The following NOX4 variants were observed in gnomAD, a reference collection of about 807,000 sequenced individuals.
NOX4 encodes the protein NADPH oxidase 4, also known as kidney oxidase-1.
NOX4 carries 69 observed loss-of-function variants against 87.6 expected under a neutral mutation model. The observed-to-expected ratio is 0.79, with a 90% CI of 0.65 to 0.96. The LOEUF (loss-of-function observed/expected upper bound fraction) is 0.96, where lower values mean the gene tolerates loss of function less well. NOX4 is among the 40% of genes least tolerant of loss of function. NOX4 has a pLI of 0.00. For synonymous variants in NOX4, 275 were observed against 238.2 expected (o/e 1.15, Z -1.42); for missense variants, 680 against 681.5 (o/e 1.00, Z 0.02).
chr11:89,562,275 A>G, the NOX4 span, among the ~76,000 whole-genome samples: 1 of 152,136 alleles, frequency 6.6e-6, no homozygotes, highest in African/African-American at 2.4e-5. Context: ...CAGAATTGAG[A>G]CTTGGGGGAA....
chr11:89,344,133 T>G (rs1237926715), intron 13 of NOX4, among the ~76,000 whole-genome samples: 2 of 149,984 alleles, frequency 1.3e-5, no homozygotes, highest in Non-Finnish European at 3.0e-5. Flanking sequence ...TAATAAATAT[T>G]ATATTATTAT....
the NOX4 span, among the ~76,000 whole-genome samples, chr11:89,524,092 A>C: frequency 1.3e-5 from 2 of 152,150 alleles, no homozygotes. Flanking sequence ...TGGATATACA[A>C]ATCTGTCAAA....
At chr11:89,528,194 C>T in the NOX4 span, among the ~76,000 whole-genome samples, 67 of 152,244 alleles carry the variant, frequency 4.4e-4, no homozygotes, top group East Asian at 3.5e-3. Flanking sequence ...CCATTTGGAA[C>T]GGGGGTATTT....
At chr11:89,454,273 T>A (rs184816460) in intron 2 of NOX4, among the ~76,000 whole-genome samples, 1 of 152,080 alleles carries the variant, frequency 6.6e-6, no homozygotes, top group African/African-American at 2.4e-5. Flanking sequence ...TACATTTTTA[T>A]TTTAATTATC....
At chr11:89,532,121 G>T in the NOX4 span, among the ~76,000 whole-genome samples, 5 of 152,202 alleles carry the variant, frequency 3.3e-5, no homozygotes, top group Admixed American at 3.3e-4. Flanking sequence ...TGGGGTTTGA[G>T]CTCCCACACA....
chr11:89,490,383 A>G, intron 2 of NOX4, 75 bp downstream of exon 2: 1 of 1,002,192 alleles, frequency 1.0e-6, no homozygotes, highest in South Asian at 1.3e-5. Flanking sequence ...TAATGAATGG[A>G]ACTGACCAAA....
intron 17 of NOX4, 97 bp downstream of exon 17, chr11:89,335,748 C>T: frequency 1.7e-6 from 1 of 571,878 alleles, no homozygotes; most frequent in Non-Finnish European, 3.0e-6. Flanking sequence ...CATTGGTAAA[C>T]TCATTGCCAA....
At chr11:89,358,792 C>G (rs1480269929) in intron 12 of NOX4, among the ~76,000 whole-genome samples, 2 of 151,654 alleles carry the variant, frequency 1.3e-5, no homozygotes, top group Non-Finnish European at 2.9e-5. Flanking sequence ...AATGCTACTT[C>G]TTTTGCAGGA....
the NOX4 span, among the ~76,000 whole-genome samples, chr11:89,525,691 A>C: frequency 2.6e-5 from 4 of 152,006 alleles, no homozygotes; most frequent in African/African-American, 7.2e-5. Flanking sequence ...TTTCTTAATG[A>C]TGTCCATTGT....
chr11:89,345,259 T>C (rs1253583013), intron 13 of NOX4, among the ~76,000 whole-genome samples: 1 of 152,160 alleles, frequency 6.6e-6, no homozygotes, highest in Non-Finnish European at 1.5e-5. Context: ...ATGTTGCTGA[T>C]AGAGCAGGTA....
At position 89,384,154 on chromosome 11, in the gene NOX4, C is replaced by T. The variant is rs180772209; in HGVS notation, c.1075-10662G>A. ...CAACCAAATTGTTTTGCCTATCCAC[C>T]CCATGGTGCCAAACCCATATACTCT... On this transcript the variant is annotated intron_variant, in intron 11 of 17. Coordinates refer to ENST00000263317, the MANE Select transcript of NOX4 (RefSeq NM_016931.5). Among the ~76,000 whole-genome samples, 380 of 152,224 alleles carry T rather than the reference C, an allele frequency of 2.5e-3. 2 individuals carry two copies. The highest frequency in any genetic ancestry group is 0.018 in the Admixed American group (275 of 15,282).
At chr11:89,508,525 A>T in the NOX4 span, among the ~76,000 whole-genome samples, 3 of 152,090 alleles carry the variant, frequency 2.0e-5, no homozygotes, top group African/African-American at 7.2e-5. Context: ...CCAGCTTCTA[A>T]GCAATGAGAT....
chr11:89,399,776 T>A (rs773610289), intron 11 of NOX4, among the ~76,000 whole-genome samples: 1 of 151,748 alleles, frequency 6.6e-6, no homozygotes. Flanking sequence ...ATATTTTGAA[T>A]CAACAAGCTT....
At chr11:89,366,632 G>T (rs1259180003) in intron 12 of NOX4, among the ~76,000 whole-genome samples, 1 of 150,252 alleles carries the variant, frequency 6.7e-6, no homozygotes, top group African/African-American at 2.5e-5. Context: ...AGGCTGCAGT[G>T]AGCCATGACC....
chr11:89,543,145 C>T, the NOX4 span, among the ~76,000 whole-genome samples: 1 of 152,134 alleles, frequency 6.6e-6, no homozygotes, highest in South Asian at 2.1e-4. Context: ...ACCTAGACAT[C>T]ACCGCTACAC....
At chr11:89,434,047 T>G (rs1218849480) in intron 6 of NOX4, among the ~76,000 whole-genome samples, 1 of 152,046 alleles carries the variant, frequency 6.6e-6, no homozygotes, top group East Asian at 1.9e-4. Context: ...ATTGGGACAA[T>G]TCCATCTGGA....
intron 8 of NOX4, among the ~76,000 whole-genome samples, chr11:89,420,248 T>C (rs1943012273): frequency 6.6e-6 from 1 of 152,172 alleles, no homozygotes; most frequent in Admixed American, 6.6e-5. Flanking sequence ...ATTCTGAGCA[T>C]TTAATAACAT....
At chr11:89,539,116 C>G in the NOX4 span, among the ~76,000 whole-genome samples, 2 of 152,046 alleles carry the variant, frequency 1.3e-5, no homozygotes, top group Admixed American at 1.3e-4. Context: ...CTTGGACTTC[C>G]CAGCAGTCAC....
the NOX4 span, among the ~76,000 whole-genome samples, chr11:89,565,658 A>C: frequency 6.6e-6 from 1 of 152,114 alleles, no homozygotes; most frequent in South Asian, 2.1e-4. Flanking sequence ...TTGCACCAGC[A>C]TGGCACATGT....
Sources: allele counts gnomAD v4.1 joint callset (sites outside exome capture counted in the v4.1 genomes callset), GRCh38; gene constraint gnomAD v4.1.1; transcripts MANE v1.5; gene names NCBI Gene and HGNC (gene_info 2026-07-23, HGNC 2026-07-21).